Variants in SLC8A1 observed in about 807,000 individuals in gnomAD.
The protein encoded by SLC8A1 is sodium/calcium exchanger 1.
In SLC8A1, 18 loss-of-function variants were observed where a neutral mutation model predicts 68.3. That is an observed-to-expected ratio of 0.26 (90% CI 0.18 to 0.39). The LOEUF is 0.39. Ranked by LOEUF, SLC8A1 falls within the 10% of genes least tolerant of loss-of-function variation. The pLI is 1.00. For synonymous variants in SLC8A1, 475 were observed against 415.5 expected (o/e 1.14, Z -1.74); for missense variants, 985 against 1,156.7 (o/e 0.85, Z 2.15).
intron 2 of SLC8A1, among the ~76,000 whole-genome samples, chr2:40,278,395 G>A (rs191642890): frequency 8.1e-4 from 124 of 152,216 alleles, no homozygotes; most frequent in African/African-American, 2.8e-3. Context: ...CTTGAACCTG[G>A]GAAGCGGAGG....
In SLC8A1 at chr2:40,413,647, G is replaced by T. The variant is rs558122465; in HGVS notation, c.1808+14826C>A. On this transcript the variant is annotated intron_variant, in intron 2 of 7. Transcript: ENST00000406785. Reference sequence around the variant, plus strand: ...TTCAAATGCAAGTGAAAACATTCATGTCCTGTAGCTTGAGACCTTACTACA... The same window carrying T: ...TTCAAATGCAAGTGAAAACATTCATTTCCTGTAGCTTGAGACCTTACTACA... Among the ~76,000 whole-genome samples, 56 of 152,246 alleles carry T rather than the reference G, an allele frequency of 3.7e-4. 1 individual carries two copies. Among genetic ancestry groups the T allele is most frequent in the Non-Finnish European group, 5.4e-4 (37 of 68,014 alleles).
chr2:40,410,991 G>A (rs1490947847), intron 2 of SLC8A1, among the ~76,000 whole-genome samples: 1 of 152,020 alleles, frequency 6.6e-6, no homozygotes, highest in Non-Finnish European at 1.5e-5. Context: ...CAATACAGCT[G>A]CAGGCTTGAT....
At chr2:40,218,128 C>T (rs2057769365) in intron 2 of SLC8A1, among the ~76,000 whole-genome samples, 1 of 152,058 alleles carries the variant, frequency 6.6e-6, no homozygotes, top group Non-Finnish European at 1.5e-5. Flanking sequence ...GTAAGACTGG[C>T]ATTGTTATTA....
At chr2:40,156,165 G>A (rs1328931966) in intron 6 of SLC8A1, among the ~76,000 whole-genome samples, 1 of 152,202 alleles carries the variant, frequency 6.6e-6, no homozygotes, top group Non-Finnish European at 1.5e-5. Context: ...GGGCCATGAA[G>A]CAAAATCCCC....
chr2:40,273,088 G>A (rs199601416), intron 2 of SLC8A1, among the ~76,000 whole-genome samples: 9 of 151,958 alleles, frequency 5.9e-5, no homozygotes, highest in Middle Eastern at 6.8e-3. Flanking sequence ...GATTACAGGC[G>A]CGCGCCACCA....
At chr2:40,443,782 A>G (rs1300878134) in intron 1 of SLC8A1, among the ~76,000 whole-genome samples, 2 of 152,178 alleles carry the variant, frequency 1.3e-5, no homozygotes, top group African/African-American at 2.4e-5. Context: ...TAAAACTGGG[A>G]AATTCTGCTA....
exon 8 of SLC8A1, chr2:40,098,084 T>C (rs899315112): frequency 2.0e-5 from 3 of 152,046 alleles, no homozygotes; most frequent in African/African-American, 7.2e-5. Flanking sequence ...AATAGGTTTC[T>C]AATTTCTTCA....
At chr2:40,219,251 A>G (rs1006587742) in intron 2 of SLC8A1, among the ~76,000 whole-genome samples, 1 of 152,196 alleles carries the variant, frequency 6.6e-6, no homozygotes, top group Non-Finnish European at 1.5e-5. Context: ...AAAAGTGGAG[A>G]AGCACAGCTC....
chr2:40,391,921 C>A (rs1685390471), intron 2 of SLC8A1, among the ~76,000 whole-genome samples: 1 of 152,032 alleles, frequency 6.6e-6, no homozygotes, highest in Non-Finnish European at 1.5e-5. Flanking sequence ...TCCTTTGTCA[C>A]TAGAATTGTT....
intron 2 of SLC8A1, among the ~76,000 whole-genome samples, chr2:40,244,982 T>C (rs2061670761): frequency 6.6e-6 from 1 of 152,180 alleles, no homozygotes; most frequent in South Asian, 2.1e-4. Context: ...TCAAAAACCA[T>C]TTGACAATTT....
upstream of SLC8A1, among the ~76,000 whole-genome samples, chr2:40,455,955 C>T (rs764062599): frequency 1.3e-5 from 2 of 152,120 alleles, no homozygotes; most frequent in Non-Finnish European, 2.9e-5. Flanking sequence ...TCTGAGTCGC[C>T]AATGAATTTG....
At position 40,253,635 on chromosome 2, in the gene SLC8A1, G is replaced by C. The variant is rs1193200797; in HGVS notation, c.1809-75780C>G. 5.9e-5 allele frequency among the ~76,000 whole-genome samples: 9 copies of C among 151,440 alleles called. 1 individual carries two copies. In the East Asian group the frequency reaches 7.8e-4, roughly 13 times the overall value. On this transcript the variant is annotated intron_variant, in intron 2 of 7. Coordinates refer to ENST00000406785, the Ensembl canonical transcript of SLC8A1. ...GAGGTCAGGAGTTCGAGGCCAGCCTGACCAACATGGTGAAACCCTATCTCT... is the reference window on the plus strand; with the variant it reads ...GAGGTCAGGAGTTCGAGGCCAGCCTCACCAACATGGTGAAACCCTATCTCT...
chr2:40,286,964 T>C (rs2068419008), intron 2 of SLC8A1, among the ~76,000 whole-genome samples: 1 of 152,144 alleles, frequency 6.6e-6, no homozygotes, highest in African/African-American at 2.4e-5. Flanking sequence ...TGAGTGCAAT[T>C]TGAGACATGG....
chr2:40,271,578 G>A (rs79205245), intron 2 of SLC8A1, among the ~76,000 whole-genome samples: 3,553 of 152,120 alleles, frequency 0.023, 45 homozygotes, highest in Non-Finnish European at 0.036. Flanking sequence ...TATTTTCCAC[G>A]TTGATTATTT....
At chr2:40,158,191 G>T (rs936686789) in intron 6 of SLC8A1, among the ~76,000 whole-genome samples, 8 of 152,106 alleles carry the variant, frequency 5.3e-5, no homozygotes, top group Non-Finnish European at 1.2e-4. Flanking sequence ...CAACTATTTA[G>T]CCATGAAATT....
intron 1 of SLC8A1, among the ~76,000 whole-genome samples, chr2:40,499,185 G>A (rs1006141641): frequency 1.3e-5 from 2 of 149,980 alleles, no homozygotes; most frequent in Non-Finnish European, 2.9e-5. Context: ...ACAAAAAGAA[G>A]ATACTTTTTT....
intron 4 of SLC8A1, among the ~76,000 whole-genome samples, chr2:40,172,012 T>C (rs1340194287): frequency 6.6e-6 from 1 of 152,218 alleles, no homozygotes; most frequent in Non-Finnish European, 1.5e-5. Context: ...GCTTCAAATT[T>C]AGATTTTCAC....
intron 2 of SLC8A1, among the ~76,000 whole-genome samples, chr2:40,202,999 C>T (rs1309985626): frequency 6.6e-6 from 1 of 151,980 alleles, no homozygotes; most frequent in Non-Finnish European, 1.5e-5. Flanking sequence ...TGTTGAGGAA[C>T]TCAGTGACTC....
intron 6 of SLC8A1, among the ~76,000 whole-genome samples, chr2:40,158,344 A>G (rs549632642): frequency 1.3e-5 from 2 of 152,328 alleles, no homozygotes; most frequent in Admixed American, 6.5e-5. Flanking sequence ...ACTGCCCTTC[A>G]TGTAATTGCG....
Sources: allele counts gnomAD v4.1 joint callset (sites outside exome capture counted in the v4.1 genomes callset), GRCh38; gene constraint gnomAD v4.1.1; transcripts MANE v1.5; gene names NCBI Gene and HGNC (gene_info 2026-07-23, HGNC 2026-07-21).